The following CNBD2 variants were observed in gnomAD, a reference collection of about 807,000 sequenced individuals.
CNBD2 encodes cyclic nucleotide binding domain containing 2.
Under a neutral mutation model 63.7 loss-of-function variants are expected in CNBD2, and 64 were observed. The ratio of observed to expected loss-of-function variants is 1.00; its 90% CI spans 0.82 to 1.24. CNBD2 has a LOEUF of 1.24. Among genes scored for constraint, CNBD2 ranks in the 50% most tolerant of loss-of-function variants. The probability of loss-of-function intolerance (pLI) is 0.00; values close to 1 mark genes in which losing one functional copy is unlikely to be tolerated. For missense variants in CNBD2, 691 were observed against 713.5 expected, an observed-to-expected ratio of 0.97 and a Z score of 0.36; for synonymous variants, 229 against 255.4, an observed-to-expected ratio of 0.90 and a Z score of 0.99.
intron 1 of CNBD2, among the ~76,000 whole-genome samples, 173 bp downstream of exon 1, chr20:35,968,986 C>T (rs1335217449): frequency 6.6e-6 from 1 of 152,148 alleles, no homozygotes; most frequent in Non-Finnish European, 1.5e-5. Flanking sequence ...GCCTACCAGC[C>T]CCCCACACTG....
chr20:36,018,886 A>T (rs566092553), intron 10 of CNBD2, among the ~76,000 whole-genome samples: 2 of 152,298 alleles, frequency 1.3e-5, no homozygotes, highest in South Asian at 4.1e-4. Flanking sequence ...AATCTATGTC[A>T]TGGGAAAATG....
intron 9 of CNBD2, among the ~76,000 whole-genome samples, chr20:36,010,518 C>T (rs926546507): frequency 6.6e-6 from 1 of 151,694 alleles, no homozygotes; most frequent in Non-Finnish European, 1.5e-5. Context: ...CGCCTATAAT[C>T]CCAGCACTCT....
chr20:36,013,535 TGGG>T (rs1434915057), intron 10 of CNBD2, among the ~76,000 whole-genome samples: 7 of 152,132 alleles, frequency 4.6e-5, no homozygotes, highest in Non-Finnish European at 7.4e-5. Context: ...GTGAAGGAGT[TGGG>T]GGGAAAAGAT....
chr20:36,018,613 G>A (rs181599297), intron 10 of CNBD2, among the ~76,000 whole-genome samples: 3 of 152,280 alleles, frequency 2.0e-5, no homozygotes, highest in Admixed American at 6.5e-5. Flanking sequence ...CCTCACCCTT[G>A]GGAGTAGCAG....
chr20:36,011,038 G>A, intron 9 of CNBD2, 99 bp from the exon 10 acceptor site: 1 of 1,245,080 alleles, frequency 8.0e-7, no homozygotes, highest in South Asian at 2.6e-5. Flanking sequence ...CCCCAGGGAG[G>A]GGAGCCCTCC....
At chr20:36,001,934 C>T (rs1196873121) in intron 8 of CNBD2, among the ~76,000 whole-genome samples, 1 of 151,082 alleles carries the variant, frequency 6.6e-6, no homozygotes, top group Non-Finnish European at 1.5e-5. Flanking sequence ...GGCAGAGGGG[C>T]TCCTCACGTC....
upstream of CNBD2, chr20:35,968,460 T>G: frequency 3.4e-6 from 1 of 293,372 alleles, no homozygotes; most frequent in South Asian, 3.4e-5. Context: ...TTTGGGTGGT[T>G]GTGAGGATTA....
intron 10 of CNBD2, among the ~76,000 whole-genome samples, chr20:36,016,934 C>T (rs1295618122): frequency 1.4e-5 from 2 of 137,988 alleles, no homozygotes; most frequent in Non-Finnish European, 3.1e-5. Context: ...TGACATTTGC[C>T]TATGATCCCA....
intron 10 of CNBD2, among the ~76,000 whole-genome samples, chr20:36,014,701 G>T (rs2057111932): frequency 6.6e-6 from 1 of 151,958 alleles, no homozygotes; most frequent in African/African-American, 2.4e-5. Flanking sequence ...AAGTGATCAT[G>T]GGTCACTGCA....
At chr20:35,969,008 A>T (rs2056375261) in intron 1 of CNBD2, among the ~76,000 whole-genome samples, 195 bp downstream of exon 1, 1 of 152,152 alleles carries the variant, frequency 6.6e-6, no homozygotes, top group South Asian at 2.1e-4. Context: ...GCAAGCCATA[A>T]GCCACACTCA....
At chr20:35,989,999 A>T (rs993213314) in intron 7 of CNBD2, among the ~76,000 whole-genome samples, 1 of 151,248 alleles carries the variant, frequency 6.6e-6, no homozygotes, top group Non-Finnish European at 1.5e-5. Flanking sequence ...CATACTGAAA[A>T]CTCATCATTT....
intron 10 of CNBD2, among the ~76,000 whole-genome samples, chr20:36,022,489 C>T (rs148809533): frequency 1.3e-3 from 192 of 152,054 alleles, no homozygotes; most frequent in African/African-American, 4.6e-3. Flanking sequence ...TGAGCCACTG[C>T]GCCCAGCCCT....
intron 8 of CNBD2, among the ~76,000 whole-genome samples, chr20:35,998,135 A>C (rs544710581): frequency 7.3e-5 from 10 of 136,428 alleles, no homozygotes; most frequent in African/African-American, 2.8e-4. Context: ...TCCACCCCCC[A>C]GGTTCGAGCA....
intron 10 of CNBD2, 26 bp downstream of exon 10, chr20:36,011,283 C>T (rs775551737): frequency 6.7e-7 from 1 of 1,498,912 alleles, no homozygotes; most frequent in South Asian, 1.4e-5. Flanking sequence ...GCTCTGTTCA[C>T]CATGGAGTAC....
chr20:36,016,509 G>T (rs2057134804), intron 10 of CNBD2, among the ~76,000 whole-genome samples: 1 of 152,096 alleles, frequency 6.6e-6, no homozygotes, highest in African/African-American at 2.4e-5. Flanking sequence ...AGACCACCAG[G>T]CCGGGCACAG....
At chr20:36,015,533 G>C (rs2057121807) in intron 10 of CNBD2, among the ~76,000 whole-genome samples, 1 of 152,142 alleles carries the variant, frequency 6.6e-6, no homozygotes, top group Non-Finnish European at 1.5e-5. Context: ...TTGAATCTAG[G>C]ACTAGGGCAG....
intron 3 of CNBD2, among the ~76,000 whole-genome samples, chr20:35,979,368 A>G (rs1415997964): frequency 6.6e-6 from 1 of 152,246 alleles, no homozygotes; most frequent in African/African-American, 2.4e-5. Context: ...TAATTACATT[A>G]ATCCATTCAC....
chr20:36,001,229 GC>G (rs2056894943), intron 8 of CNBD2, among the ~76,000 whole-genome samples: 1 of 151,962 alleles, frequency 6.6e-6, no homozygotes, highest in South Asian at 2.1e-4. Context: ...TGTCATCATG[GC>G]CCGTTCTCAA....
rs184520563 is a variant in CNBD2 at position 35,993,944 on chromosome 20, G to C, written c.856-1094G>C. Among the ~76,000 whole-genome samples, 595 of 140,130 alleles carry C rather than the reference G, an allele frequency of 4.2e-3. 8 individuals carry two copies. The highest frequency in any genetic ancestry group is 0.015 in the African/African-American group (572 of 37,654). The allele number at this position is 140,130 out of a possible 152,430, so 91.9% of individuals were successfully genotyped here. A position where few individuals can be genotyped will look rare whatever the true frequency, so the allele number is the denominator to read the frequency against. Reference sequence around the variant, plus strand: ...GGCTGGAGTGCAATGGCATGATCTTGGCTCATGGCAACCTCCGCCTCCTGG... The same window carrying C: ...GGCTGGAGTGCAATGGCATGATCTTCGCTCATGGCAACCTCCGCCTCCTGG... On this transcript the variant is annotated intron_variant, in intron 7 of 11. Transcript: ENST00000373973.
Sources: allele counts gnomAD v4.1 joint callset (sites outside exome capture counted in the v4.1 genomes callset), GRCh38; gene constraint gnomAD v4.1.1; transcripts MANE v1.5; gene names NCBI Gene and HGNC (gene_info 2026-07-23, HGNC 2026-07-21).